The following BCL2L14 variants were observed in gnomAD, a reference collection of about 807,000 sequenced individuals.
BCL2L14 encodes the protein BCL2 like 14, also known as apoptosis facilitator Bcl-2-like protein 14.
In BCL2L14, 27 loss-of-function variants were observed where a neutral mutation model predicts 35.3. That is an observed-to-expected ratio of 0.76 (90% CI 0.56 to 1.05). The LOEUF (loss-of-function observed/expected upper bound fraction) is 1.05. Ranked by LOEUF, BCL2L14 falls within the 50% of genes least tolerant of loss-of-function variation. The pLI is 0.00. For missense variants in BCL2L14, 377 were observed against 382.6 expected, an observed-to-expected ratio of 0.99 and a Z score of 0.12; for synonymous variants, 139 against 145.9, an observed-to-expected ratio of 0.95 and a Z score of 0.34.
intron 3 of BCL2L14, among the ~76,000 whole-genome samples, chr12:12,088,970 G>A (rs926555104): frequency 6.6e-6 from 1 of 152,216 alleles, no homozygotes; most frequent in Non-Finnish European, 1.5e-5. Flanking sequence ...AAGCTAAGAT[G>A]ACCTCATCCT....
chr12:12,076,015 C>T (rs535535351), intron 1 of BCL2L14, among the ~76,000 whole-genome samples: 1 of 151,026 alleles, frequency 6.6e-6, no homozygotes, highest in South Asian at 2.1e-4. Flanking sequence ...TCATTGGGAA[C>T]AGGGAAGTGG....
chr12:12,063,660 TATTA>T (rs1948558197), intron 2 of BCL2L14, among the ~76,000 whole-genome samples: 1 of 152,138 alleles, frequency 6.6e-6, no homozygotes, highest in South Asian at 2.1e-4. Context: ...TTATTTTTCT[TATTA>T]ATATAAGAAG....
At chr12:12,077,102 G>A (rs529258124) in intron 1 of BCL2L14, among the ~76,000 whole-genome samples, 53 of 152,208 alleles carry the variant, frequency 3.5e-4, no homozygotes, top group African/African-American at 1.2e-3. Context: ...GTATGACAAG[G>A]TACAGTGGAA....
intron 2 of BCL2L14, among the ~76,000 whole-genome samples, chr12:12,085,973 CT>C (rs1227592865): frequency 6.6e-6 from 1 of 152,132 alleles, no homozygotes; most frequent in African/African-American, 2.4e-5. Context: ...TAAAACCCAG[CT>C]GCTCCACACG....
chr12:12,085,104 A>T (rs1949014795), intron 2 of BCL2L14, among the ~76,000 whole-genome samples: 1 of 128,104 alleles, frequency 7.8e-6, no homozygotes, highest in East Asian at 2.3e-4. Flanking sequence ...AAAAAAAAAA[A>T]GTCAATACCC....
intron 4 of BCL2L14, among the ~76,000 whole-genome samples, chr12:12,093,080 A>G (rs1949227934): frequency 6.6e-6 from 1 of 152,202 alleles, no homozygotes; most frequent in African/African-American, 2.4e-5. Flanking sequence ...AAAGCAGAAG[A>G]GGCAGCATTG....
chr12:12,078,634 C>T (rs549805997), intron 1 of BCL2L14, among the ~76,000 whole-genome samples: 17 of 152,166 alleles, frequency 1.1e-4, no homozygotes, highest in Non-Finnish European at 1.0e-4. Flanking sequence ...CCCCTCTGCC[C>T]GCCCTGTTGT....
At chr12:12,061,354 C>T (rs1228311346) in intron 2 of BCL2L14, among the ~76,000 whole-genome samples, 3 of 151,596 alleles carry the variant, frequency 2.0e-5, no homozygotes, top group African/African-American at 4.8e-5. Flanking sequence ...CCTAATCACC[C>T]TTACTCCGCT....
At chr12:12,076,943 G>A (rs1480134297) in intron 1 of BCL2L14, among the ~76,000 whole-genome samples, 17 of 152,116 alleles carry the variant, frequency 1.1e-4, no homozygotes, top group Non-Finnish European at 8.8e-5. Context: ...AAAAGGTGGC[G>A]TGACTTGCCC....
intron 2 of BCL2L14, among the ~76,000 whole-genome samples, chr12:12,062,575 T>C (rs1366490699): frequency 6.6e-6 from 1 of 151,616 alleles, no homozygotes; most frequent in African/African-American, 2.4e-5. Flanking sequence ...CACATCAAGC[T>C]TGAGGATTTA....
upstream of BCL2L14, among the ~76,000 whole-genome samples, chr12:12,070,273 C>A (rs565792838): frequency 1.3e-5 from 2 of 152,114 alleles, no homozygotes; most frequent in Non-Finnish European, 1.5e-5. Flanking sequence ...AGAAAGAGCA[C>A]GATTTGGATC....
upstream of BCL2L14, among the ~76,000 whole-genome samples, chr12:12,069,885 G>A (rs541560607): frequency 3.3e-5 from 5 of 152,238 alleles, no homozygotes; most frequent in East Asian, 9.6e-4. Context: ...TTTGTCTCTT[G>A]TGGATCTGTT....
chr12:12,087,139 A>T, intron 2 of BCL2L14, 74 bp from the exon 3 acceptor site: 1 of 1,505,430 alleles, frequency 6.6e-7, no homozygotes, highest in Non-Finnish European at 9.1e-7. Flanking sequence ...TTTTCATTCC[A>T]GGCAACTTTG....
rs759252283 is a variant in BCL2L14, at chr12:12,094,821, C to T, written c.836C>T (p.Thr279Met). 13 of 1,614,182 alleles carry T rather than the reference C, an allele frequency of 8.1e-6. No homozygotes were observed. The South Asian group carries it at 8.8e-5, about 11-fold the overall frequency. The change falls in exon 5 of 6, where the codon ACG (threonine) becomes ATG (methionine). Residue 279 changes from threonine (T) to methionine (M), a missense_variant. By Grantham distance (81) the Thr-to-Met change is moderately conservative. Coordinates refer to ENST00000308721, the MANE Select transcript of BCL2L14 (RefSeq NM_138723.2). ...GFKAALVIDVTAKLTAIDNHP... is the reference protein window; with the variant it reads ...GFKAALVIDVMAKLTAIDNHP... ...AAGGCTGCCCTTGTAATAGACGTCA[C>T]GGCCAAGCTCACAGCTATTGACAAC...
Position 12,064,706 on chromosome 12 carries a change from C to T in BCL2L14, c.-272+12859C>T, listed in dbSNP as rs1001820478. On this transcript the variant is annotated intron_variant, in intron 2 of 3. Transcript: ENST00000461264. ...ATTGCTTCTATGAGACCAACCAGTGCCTCTTTGTCAGCCAAATGCAAGGAT... is the reference window on the plus strand; with the variant it reads ...ATTGCTTCTATGAGACCAACCAGTGTCTCTTTGTCAGCCAAATGCAAGGAT... Among the ~76,000 whole-genome samples, 3 of 152,300 alleles carry T rather than the reference C, an allele frequency of 2.0e-5. No homozygotes were observed. In the South Asian group the frequency reaches 6.2e-4, roughly 32 times the overall value.
chr12:12,050,215 G>T (rs1306810003), intron 1 of BCL2L14, among the ~76,000 whole-genome samples: 4 of 152,074 alleles, frequency 2.6e-5, no homozygotes, highest in Non-Finnish European at 5.9e-5. Flanking sequence ...AGGAGGTGGG[G>T]TTCAATAGGA....
chr12:12,094,494 C>G (rs772203208), intron 4 of BCL2L14, 170 bp from the exon 5 acceptor site: 1 of 1,601,096 alleles, frequency 6.2e-7, no homozygotes, highest in Non-Finnish European at 8.6e-7. Flanking sequence ...CAGTACATGC[C>G]CATTCTGGTT....
intron 2 of BCL2L14, among the ~76,000 whole-genome samples, chr12:12,063,710 A>G (rs1008082413): frequency 6.6e-6 from 1 of 152,192 alleles, no homozygotes; most frequent in African/African-American, 2.4e-5. Context: ...AAGCTAAGCC[A>G]TCATATCCCC....
At chr12:12,067,774 C>T (rs1004665701), upstream of BCL2L14, among the ~76,000 whole-genome samples, 75 of 152,212 alleles carry the variant, frequency 4.9e-4, no homozygotes, top group African/African-American at 1.7e-3. Context: ...GTGGTTTTTG[C>T]TTTTGCTGTT....
Sources: gnomAD v4.1 joint callset for allele counts (sites outside exome capture counted in the v4.1 genomes callset) on GRCh38, gnomAD v4.1.1 for gene constraint, MANE v1.5 for transcripts, NCBI Gene and HGNC (gene_info 2026-07-23, HGNC 2026-07-21) for gene names.